MRPL34: variants seen among roughly 807,000 people sequenced by gnomAD.
MRPL34 encodes mitochondrial ribosomal protein L34, also known as large ribosomal subunit protein bL34m.
In MRPL34, 8 loss-of-function variants were observed where a neutral mutation model predicts 6.7. That is an observed-to-expected ratio of 1.20 (90% CI 0.70 to 2.16). The LOEUF is 2.16. Among genes scored for constraint, MRPL34 ranks in the 30% most tolerant of loss-of-function variants. The pLI is 0.00. For synonymous variants in MRPL34, 59 were observed against 55.1 expected (o/e 1.07, Z -0.31); for missense variants, 146 against 125.5 (o/e 1.16, Z -0.78).
At chr19:17,299,240 C>CCCG (rs1555720795), upstream of MRPL34, among the ~76,000 whole-genome samples, 17 of 148,016 alleles carry the variant, frequency 1.1e-4, no homozygotes, top group Non-Finnish European at 2.2e-4. Context: ...TGAGACCCCC[C>CCCG]CCCCATTCTC....
At chr19:17,296,890 T>G (rs1183659766) in intron 1 of MRPL34, among the ~76,000 whole-genome samples, 1 of 152,132 alleles carries the variant, frequency 6.6e-6, no homozygotes, top group Non-Finnish European at 1.5e-5. Flanking sequence ...AGACGGGGTT[T>G]CACCGTGTTA....
chr19:17,292,864 G>A lies in MRPL34; in HGVS notation c.214+10G>A, dbSNP rs774911631. ...AGACGCAGGGCTCAAGGTAGGCGGG[G>A]GCAAGAGGGTGGAGAGAGGCCAGGC... is the stretch of plus-strand genomic sequence containing the variant. On this transcript the variant is annotated intron_variant, in intron 1 of 2. Coordinates refer to the MRPL34 transcript ENST00000595444. 8.1e-6 allele frequency: 13 copies of A among 1,597,618 alleles called. No individual in the cohort carries two copies. In the Admixed American group the frequency reaches 1.9e-4, roughly 23 times the overall value.
At chr19:17,304,444 G>A (rs2074136563), upstream of MRPL34, among the ~76,000 whole-genome samples, 1 of 152,158 alleles carries the variant, frequency 6.6e-6, no homozygotes, top group Admixed American at 6.5e-5. Flanking sequence ...CATATATTAT[G>A]GGCATTATTA....
chr19:17,298,735 C>CTTG (rs2074103846), upstream of MRPL34, among the ~76,000 whole-genome samples: 1 of 70,422 alleles, frequency 1.4e-5, no homozygotes, highest in Non-Finnish European at 2.5e-5. Context: ...AACAACACTG[C>CTTG]TTTTTTTTTT....
intron 1 of MRPL34, among the ~76,000 whole-genome samples, chr19:17,295,912 T>C (rs558063251): frequency 6.6e-6 from 1 of 152,316 alleles, no homozygotes; most frequent in African/African-American, 2.4e-5. Context: ...GGTCTCCTTA[T>C]GTTGCCCAGG....
chr19:17,294,184 A>G (rs915846860), intron 1 of MRPL34: 1 of 1,390,770 alleles, frequency 7.2e-7, no homozygotes, highest in African/African-American at 1.4e-5. Context: ...CTCGGGAAGA[A>G]AGCACGCCCA....
upstream of MRPL34, among the ~76,000 whole-genome samples, chr19:17,304,778 G>A (rs963292563): frequency 7.0e-6 from 1 of 143,240 alleles, no homozygotes; most frequent in Admixed American, 7.1e-5. Flanking sequence ...GCGGTTGAGA[G>A]AAGACGACTC....
At chr19:17,299,560 C>CAAA (rs567760409), upstream of MRPL34, among the ~76,000 whole-genome samples, 330 of 51,340 alleles carry the variant, frequency 6.4e-3, 6 homozygotes, top group African/African-American at 0.01. Flanking sequence ...GACTCCATCT[C>CAAA]AAAAAAAAAA....
chr19:17,296,681 G>A (rs1322536223), intron 1 of MRPL34: 1 of 149,918 alleles, frequency 6.7e-6, no homozygotes, highest in African/African-American at 2.5e-5. Flanking sequence ...TTTGAAAAAT[G>A]TTTCCTAAAT....
chr19:17,294,576 C>T (rs1282779447), intron 1 of MRPL34: 2 of 1,609,256 alleles, frequency 1.2e-6, no homozygotes, highest in Non-Finnish European at 1.7e-6. Flanking sequence ...CCGATGCCAG[C>T]CCTAGTCCCA....
chr19:17,298,374 C>T (rs1231296133), upstream of MRPL34: 1 of 152,058 alleles, frequency 6.6e-6, no homozygotes, highest in Non-Finnish European at 1.5e-5. Flanking sequence ...TGGAGGGGTT[C>T]TTGGTAAGTT....
At chr19:17,301,465 G>A, upstream of MRPL34, 2 of 1,611,642 alleles carry the variant, frequency 1.2e-6, no homozygotes, top group Non-Finnish European at 1.7e-6. Flanking sequence ...GGCTGGGGCG[G>A]GTCCTGCATG....
At chr19:17,292,689 A>T (rs370658365) in exon 1 of MRPL34, 1 of 1,611,924 alleles carries the variant, frequency 6.2e-7, no homozygotes, top group Non-Finnish European at 8.5e-7. Context: ...AGGCGCCGGC[A>T]GTGGCTCCGG....
upstream of MRPL34, among the ~76,000 whole-genome samples, chr19:17,302,575 C>CA (rs2074125737): frequency 6.6e-6 from 1 of 152,208 alleles, no homozygotes; most frequent in Non-Finnish European, 1.5e-5. Flanking sequence ...CCTTGCTCAG[C>CA]TCCCCTAGAC....
At chr19:17,301,065 G>A (rs969538687), upstream of MRPL34, 1 of 1,613,554 alleles carries the variant, frequency 6.2e-7, no homozygotes, top group Middle Eastern at 1.6e-4. Context: ...GGGAACCGCC[G>A]ACACCATGGA....
At chr19:17,305,523 G>A, upstream of MRPL34, 1 of 284,304 alleles carries the variant, frequency 3.5e-6, no homozygotes, top group Admixed American at 5.1e-5. Context: ...CCAACCAGCC[G>A]CTTCCTGCAG....
chr19:17,305,761 A>T (rs142838944), upstream of MRPL34: 1 of 924,188 alleles, frequency 1.1e-6, no homozygotes, highest in Non-Finnish European at 1.7e-6. Flanking sequence ...CTACAACTTC[A>T]GGGTTTTCCC....
chr19:17,297,679 A>T (rs890051336), intron 1 of MRPL34: 1 of 151,778 alleles, frequency 6.6e-6, no homozygotes, highest in Non-Finnish European at 1.5e-5. Context: ...AACAAATAAG[A>T]GCTGTTACCT....
At chr19:17,300,595 A>G (rs2074112787), upstream of MRPL34, among the ~76,000 whole-genome samples, 1 of 152,144 alleles carries the variant, frequency 6.6e-6, no homozygotes, top group Non-Finnish European at 1.5e-5. Context: ...CCTCTGCCTC[A>G]GCCTCCCGAG....
Sources: gnomAD v4.1 joint callset for allele counts (sites outside exome capture counted in the v4.1 genomes callset) on GRCh38, gnomAD v4.1.1 for gene constraint, MANE v1.5 for transcripts, NCBI Gene and HGNC (gene_info 2026-07-23, HGNC 2026-07-21) for gene names.